AMER1: variants seen among roughly 807,000 people sequenced by gnomAD.
The protein encoded by AMER1 is RP11-403E24.2.
In AMER1, 16 loss-of-function variants were observed where a neutral mutation model predicts 53.0. The observed-to-expected ratio is 0.30, with a 90% confidence interval of 0.20 to 0.46. AMER1 has a LOEUF of 0.46. AMER1 is among the 20% of genes least tolerant of loss of function. The probability of loss-of-function intolerance (pLI) is 1.00; values close to 1 mark genes in which losing one functional copy is unlikely to be tolerated. For missense variants in AMER1, 947 were observed against 884.9 expected, an observed-to-expected ratio of 1.07 and a Z score of -0.89; for synonymous variants, 354 against 331.9, an observed-to-expected ratio of 1.07 and a Z score of -0.73.
Position 64,189,793 on chromosome X carries a change from A to ACCGGCCCCCCCCCCCC in AMER1, c.*85_*86insGGGGGGGGGGGGCCGG. The ACCGGCCCCCCCCCCCC allele has an allele frequency of 3.4e-6, 1 of 292,073 alleles. No individual in the cohort carries two copies. The highest frequency in any genetic ancestry group is 1.7e-4 in the East Asian group (1 of 5,961). 24.1% of individuals were successfully genotyped at this position (292,073 alleles called of 1,213,427 possible). On this transcript the variant is annotated 3_prime_UTR_variant, in exon 2 of 2. Coordinates refer to ENST00000374869, the MANE Select transcript of AMER1 (RefSeq NM_152424.4). ...CAAAGGGTTTTCAAGTTAAACAACA[A>ACCGGCCCCCCCCCCCC]CCCCCACCCCCCCACCCTTCTGCCC...
rs2147084513 is a variant in AMER1, at chrX:64,190,171, T to C, written c.3116A>G (p.Gln1039Arg). 8.3e-7 allele frequency: 1 copy of C among 1,208,673 alleles called. No homozygotes were observed. The highest frequency in any genetic ancestry group is 1.1e-6 in the Non-Finnish European group (1 of 893,751). ...PMGPCYNLQP[Q>R]ASQSMRARPR... ...CCTGGCCCTCATGCTCTGGGAGGCC[T>C]GTGGCTGGAGGTTATAGCAAGGGCC... The change falls in exon 2 of 2, where the codon CAG becomes CGG. Residue 1039 changes from glutamine to arginine, a missense_variant. Physicochemically the swap from Gln to Arg is conservative, Grantham distance 43 (BLOSUM62 1). Transcript: ENST00000374869.
rs1930235780 is a variant in AMER1 at position 64,191,163 on chromosome X, G to A, written c.2124C>T (p.Thr708=). The change falls in exon 2 of 2, where the codon ACC becomes ACT. Residue 708 remains threonine, a synonymous_variant. Coordinates refer to ENST00000374869, the MANE Select transcript of AMER1 (RefSeq NM_152424.4). ...AGGTACTTTGATCTTTCTTGGAGCA[G>A]GTTCCTTCATAACGCTTCTCCAGAG... ...FRPLEKRYEG[T]CSKKDQSTCL... 1 of 1,212,244 alleles carries A rather than the reference G, an allele frequency of 8.2e-7. No homozygotes were observed. The highest frequency in any genetic ancestry group is 1.1e-6 in the Non-Finnish European group (1 of 895,650).
At chrX:64,200,377 A>G (rs1184812171) in intron 1 of AMER1, among the ~76,000 whole-genome samples, 1 of 111,322 alleles carries the variant, frequency 9.0e-6, no homozygotes, top group African/African-American at 3.3e-5. Context: ...CTATGTGTCC[A>G]CTCCCCTCTA....
At position 64,192,228 on chromosome X, in the gene AMER1, T is replaced by A; in HGVS notation, c.1059A>T (p.Arg353=). Residue 353 remains arginine, a synonymous_variant, in exon 2 of 2, where the codon CGA becomes CGT. Transcript: ENST00000374869. ...GGCAGGAACTTCGCTTGGTCCCATCTCGGTTTGCTCTCTGGCCCCCAGAGG... is the reference window on the plus strand; with the variant it reads ...GGCAGGAACTTCGCTTGGTCCCATCACGGTTTGCTCTCTGGCCCCCAGAGG... ...SMASGGQRAN[R]DGTKRSSCLV... The A allele has an allele frequency of 1.7e-6, 2 of 1,212,107 alleles. No homozygotes were observed. The highest frequency in any genetic ancestry group is 5.9e-5 in the East Asian group (2 of 33,851).
chrX:64,193,520 A>T, intron 1 of AMER1, 136 bp from the exon 2 acceptor site: 1 of 465,464 alleles, frequency 2.1e-6, no homozygotes, highest in Non-Finnish European at 3.7e-6. Flanking sequence ...GCAAATCTTA[A>T]TCCACTCGAT....
intron 1 of AMER1, among the ~76,000 whole-genome samples, chrX:64,201,448 AACACACACACACACACACACACACACAC>A (rs532857666): frequency 1.2e-5 from 1 of 83,119 alleles, no homozygotes; most frequent in Admixed American, 1.3e-4. Flanking sequence ...TCCTTCCCCC[AACACACACACACACACACACACACACAC>A]ACACACACAC....
In AMER1 at chrX:64,186,921, C is replaced by A; in HGVS notation, c.*2958G>T. 1 of 774,498 alleles carries A rather than the reference C, an allele frequency of 1.3e-6. No individual in the cohort carries two copies. Among genetic ancestry groups the A allele is most frequent in the East Asian group, 9.2e-5 (1 of 10,822 alleles). The allele number at this position is 774,498 out of a possible 1,213,427, so 63.8% of individuals were successfully genotyped here. A position where few individuals can be genotyped will look rare whatever the true frequency, so the allele number is the denominator to read the frequency against. On this transcript the variant is annotated 3_prime_UTR_variant, in exon 2 of 2. Coordinates refer to ENST00000374869, the MANE Select transcript of AMER1 (RefSeq NM_152424.4). ...GGATCACAGCTGTCTGGCACTAGGC[C>A]TATTGGGTAATAAGATGAAGGCAGC...
Position 64,189,431 on chromosome X carries a change from G to C in AMER1, c.*448C>G. Reference sequence around the variant, plus strand: ...GCACTAAAGGTTTAGCCTGTGTCAAGGATGCATGCTATATATGTGTGTGCA... The same window carrying C: ...GCACTAAAGGTTTAGCCTGTGTCAACGATGCATGCTATATATGTGTGTGCA... On this transcript the variant is annotated 3_prime_UTR_variant, in exon 2 of 2. Transcript: ENST00000374869. 1.3e-6 allele frequency: 1 copy of C among 768,423 alleles called. No homozygotes were observed. The highest frequency in any genetic ancestry group is 9.2e-5 in the East Asian group (1 of 10,848). 63.3% of individuals were successfully genotyped at this position (768,423 alleles called of 1,213,427 possible).
At chrX:64,198,066 T>C (rs1438976292) in intron 1 of AMER1, among the ~76,000 whole-genome samples, 2 of 112,063 alleles carry the variant, frequency 1.8e-5, no homozygotes, top group Non-Finnish European at 1.9e-5. Flanking sequence ...CCAAACCTCC[T>C]TGGGGCTCAG....
Position 64,186,301 on chromosome X carries a change from G to A in AMER1, c.*3578C>T. On this transcript the variant is annotated 3_prime_UTR_variant, in exon 2 of 2. Coordinates refer to ENST00000374869, the MANE Select transcript of AMER1 (RefSeq NM_152424.4). ...CTGCACAAGCAGCAGCAATTTTTGT[G>A]TCATCTTTGTTTTGTTTAAAACTGT... 1.9e-6 allele frequency: 2 copies of A among 1,052,196 alleles called. No individual in the cohort carries two copies. The highest frequency in any genetic ancestry group is 2.5e-6 in the Non-Finnish European group (2 of 813,024). 86.7% of individuals were successfully genotyped at this position (1,052,196 alleles called of 1,213,427 possible). A position where few individuals can be genotyped will look rare whatever the true frequency, so the allele number is the denominator to read the frequency against.
chrX:64,188,524 AC>A lies in AMER1; in HGVS notation c.*1354del. 1 of 804,322 alleles carries A rather than the reference AC, an allele frequency of 1.2e-6. No individual in the cohort carries two copies. Among genetic ancestry groups the A allele is most frequent in the Non-Finnish European group, 1.5e-6 (1 of 670,194 alleles). The allele number at this position is 804,322 out of a possible 1,213,427, so 66.3% of individuals were successfully genotyped here. ...GCCCTGTCATTTGATGATGCTAAGG[AC>A]TCGGCTAATTGGAAGATAAAAGCTC... On this transcript the variant is annotated 3_prime_UTR_variant, in exon 2 of 2. Coordinates refer to ENST00000374869, the MANE Select transcript of AMER1 (RefSeq NM_152424.4).
chrX:64,205,169 C>T (rs1267909924), intron 1 of AMER1, among the ~76,000 whole-genome samples: 3 of 113,858 alleles, frequency 2.6e-5, no homozygotes, highest in East Asian at 2.8e-4. Flanking sequence ...CACAGCTGTT[C>T]CAGCAAATGT....
chrX:64,189,793 A>AGGGGGGGGGGGCCCCCCCC lies in AMER1; in HGVS notation c.*85_*86insGGGGGGGGCCCCCCCCCCC. On this transcript the variant is annotated 3_prime_UTR_variant, in exon 2 of 2. Coordinates refer to ENST00000374869, the MANE Select transcript of AMER1 (RefSeq NM_152424.4). ...CAAAGGGTTTTCAAGTTAAACAACA[A>AGGGGGGGGGGGCCCCCCCC]CCCCCACCCCCCCACCCTTCTGCCC... The AGGGGGGGGGGGCCCCCCCC allele has an allele frequency of 3.4e-6, 1 of 292,072 alleles. No homozygotes were observed. Among genetic ancestry groups the AGGGGGGGGGGGCCCCCCCC allele is most frequent in the Non-Finnish European group, 4.9e-6 (1 of 204,830 alleles). 24.1% of individuals were successfully genotyped at this position (292,072 alleles called of 1,213,427 possible).
rs1409791817 is a variant in AMER1 at position 64,188,644 on chromosome X, TG to T, written c.*1234del. 11 of 799,527 alleles carry T rather than the reference TG, an allele frequency of 1.4e-5. No individual in the cohort carries two copies. The highest frequency in any genetic ancestry group is 1.6e-5 in the Non-Finnish European group (11 of 667,967). The allele number at this position is 799,527 out of a possible 1,213,427, so 65.9% of individuals were successfully genotyped here. A position where few individuals can be genotyped will look rare whatever the true frequency, so the allele number is the denominator to read the frequency against. ...TTATTACAGAGTCCAAATGATGGGATGGGCAAGGCTTAAGGAACATTTTGTG... is the reference window on the plus strand; with the variant it reads ...TTATTACAGAGTCCAAATGATGGGATGGCAAGGCTTAAGGAACATTTTGTG... On this transcript the variant is annotated 3_prime_UTR_variant, in exon 2 of 2. Coordinates refer to ENST00000374869, the MANE Select transcript of AMER1 (RefSeq NM_152424.4).
rs1930086480 is a variant in AMER1, at chrX:64,185,493, T to A, written c.*4386A>T. ...CAGGAAAAATAAGCACCAATAATAA[T>A]AACAATAATTAAAGTCCCACCTCTC... On this transcript the variant is annotated 3_prime_UTR_variant, in exon 2 of 2. Coordinates refer to ENST00000374869, the MANE Select transcript of AMER1 (RefSeq NM_152424.4). The A allele has an allele frequency of 1.4e-5, 1 of 71,490 alleles. No homozygotes were observed. Among genetic ancestry groups the A allele is most frequent in the Non-Finnish European group, 2.5e-5 (1 of 40,604 alleles). 5.9% of individuals were successfully genotyped at this position (71,490 alleles called of 1,213,427 possible).
chrX:64,197,492 G>C (rs182319232), intron 1 of AMER1, among the ~76,000 whole-genome samples: 1 of 113,153 alleles, frequency 8.8e-6, no homozygotes, highest in Non-Finnish European at 1.9e-5. Flanking sequence ...TATGAGCCTT[G>C]CACATTCTGC....
rs2147091700 is a variant in AMER1, at chrX:64,193,365, A to G, written c.-79T>C. 1 of 1,189,766 alleles carries G rather than the reference A, an allele frequency of 8.4e-7. No individual in the cohort carries two copies. Among genetic ancestry groups the G allele is most frequent in the Non-Finnish European group, 1.1e-6 (1 of 879,289 alleles). On this transcript the variant is annotated 5_prime_UTR_variant, in exon 2 of 2. Transcript: ENST00000374869. ...AGGCACTGTTATAACATTATCAGTCAGGAAGCATCACAGTGGGGTCTGGAG... is the reference window on the plus strand; with the variant it reads ...AGGCACTGTTATAACATTATCAGTCGGGAAGCATCACAGTGGGGTCTGGAG...
intron 1 of AMER1, among the ~76,000 whole-genome samples, chrX:64,202,838 T>C (rs1377675214): frequency 8.9e-6 from 1 of 111,874 alleles, no homozygotes; most frequent in Non-Finnish European, 1.9e-5. Flanking sequence ...AGCAACTCCC[T>C]GTCAATTCCC....
chrX:64,204,689 G>C (rs985328425), intron 1 of AMER1, among the ~76,000 whole-genome samples: 1 of 113,269 alleles, frequency 8.8e-6, no homozygotes, highest in Non-Finnish European at 1.9e-5. Flanking sequence ...ATTTTTAAAC[G>C]GGAGGCTGGA....
Sources: allele counts gnomAD v4.1 joint callset (sites outside exome capture counted in the v4.1 genomes callset), GRCh38; gene constraint gnomAD v4.1.1; transcripts MANE v1.5; gene names NCBI Gene and HGNC (gene_info 2026-07-23, HGNC 2026-07-21).